The following ADGRV1 variants were observed in gnomAD, a reference collection of about 807,000 sequenced individuals.
The protein encoded by ADGRV1 is adhesion G protein-coupled receptor V1.
ADGRV1 carries 359 observed loss-of-function variants against 596.2 expected under a neutral mutation model. The observed-to-expected ratio is 0.60, with a 90% CI of 0.55 to 0.66. The LOEUF (loss-of-function observed/expected upper bound fraction) is 0.66, where lower values mean the gene tolerates loss of function less well. Ranked by LOEUF, ADGRV1 falls within the 30% of genes least tolerant of loss-of-function variation. The pLI is 0.00. For missense variants in ADGRV1, 7,274 were observed against 7,575.6 expected, an observed-to-expected ratio of 0.96 and a Z score of 1.48; for synonymous variants, 2,681 against 2,679.2, an observed-to-expected ratio of 1.00 and a Z score of -0.02.
intron 53 of ADGRV1, among the ~76,000 whole-genome samples, chr5:90,751,694 G>A (rs1245119218): frequency 6.6e-6 from 1 of 152,122 alleles, no homozygotes; most frequent in African/African-American, 2.4e-5. Flanking sequence ...CTTCTCTGAA[G>A]AGTTCTTTTA....
chr5:91,159,737 T>G (rs1269128341), intron 89 of ADGRV1, among the ~76,000 whole-genome samples: 1 of 152,036 alleles, frequency 6.6e-6, no homozygotes, highest in Non-Finnish European at 1.5e-5. Context: ...GTCTAATGTA[T>G]CATCAGTGTC....
chr5:91,068,697 T>C (rs1788103152), intron 85 of ADGRV1, among the ~76,000 whole-genome samples: 1 of 152,038 alleles, frequency 6.6e-6, no homozygotes, highest in Non-Finnish European at 1.5e-5. Context: ...ATTGTTCAAA[T>C]GGCCATACTA....
intron 70 of ADGRV1, among the ~76,000 whole-genome samples, chr5:90,795,446 G>C (rs12188388): frequency 1.3e-5 from 2 of 152,172 alleles, no homozygotes; most frequent in Admixed American, 1.3e-4. Flanking sequence ...CAGACTGCCA[G>C]ATTTCTCCTC....
At chr5:91,004,650 G>GT (rs1360251217) in intron 85 of ADGRV1, among the ~76,000 whole-genome samples, 1 of 152,192 alleles carries the variant, frequency 6.6e-6, no homozygotes, top group Non-Finnish European at 1.5e-5. Flanking sequence ...ACTGGATATA[G>GT]TTGAGTTGTT....
intron 83 of ADGRV1, among the ~76,000 whole-genome samples, chr5:90,959,012 G>A (rs887126633): frequency 5.3e-5 from 8 of 152,028 alleles, no homozygotes; most frequent in Non-Finnish European, 1.2e-4. Context: ...AGTACAATAG[G>A]CAAGATAAGA....
At chr5:90,646,927 C>A (rs1486556480) in intron 16 of ADGRV1, among the ~76,000 whole-genome samples, 4 of 152,020 alleles carry the variant, frequency 2.6e-5, no homozygotes, top group Non-Finnish European at 4.4e-5. Context: ...GCACACACCA[C>A]CACGCCCAGC....
At chr5:90,738,013 G>C (rs990124) in intron 50 of ADGRV1, among the ~76,000 whole-genome samples, 76,625 of 151,548 alleles carry the variant, frequency 0.51, 20,070 homozygotes, top group African/African-American at 0.63. Flanking sequence ...TTCTTCTTCT[G>C]TTGCTGTTTT....
chr5:90,903,379 T>A (rs1041230672), intron 83 of ADGRV1, among the ~76,000 whole-genome samples: 2 of 152,062 alleles, frequency 1.3e-5, no homozygotes, highest in Admixed American at 6.6e-5. Flanking sequence ...GTTTATTTTT[T>A]AAAAATATTA....
chr5:90,712,219 C>A, intron 41 of ADGRV1, 68 bp from the exon 42 acceptor site: 1 of 879,624 alleles, frequency 1.1e-6, no homozygotes, highest in Non-Finnish European at 1.6e-6. Context: ...GTATTTCTTT[C>A]CAAACATTCT....
chr5:91,016,578 G>A (rs542490663), intron 85 of ADGRV1, among the ~76,000 whole-genome samples: 5 of 152,086 alleles, frequency 3.3e-5, no homozygotes, highest in Admixed American at 6.6e-5. Flanking sequence ...AAACAGACAT[G>A]CAATCCTATA....
At chr5:91,046,318 G>A (rs1436436335) in intron 85 of ADGRV1, among the ~76,000 whole-genome samples, 1 of 152,022 alleles carries the variant, frequency 6.6e-6, no homozygotes, top group South Asian at 2.1e-4. Context: ...ATAAAAATAG[G>A]CACATAGACC....
intron 50 of ADGRV1, among the ~76,000 whole-genome samples, chr5:90,739,849 A>G (rs1355442640): frequency 2.6e-5 from 4 of 152,188 alleles, no homozygotes; most frequent in Admixed American, 2.6e-4. Context: ...CTCCCATACT[A>G]GGGTAACCTT....
chr5:90,920,860 T>C (rs1469710815), intron 83 of ADGRV1, among the ~76,000 whole-genome samples: 5 of 152,248 alleles, frequency 3.3e-5, no homozygotes, highest in African/African-American at 1.2e-4. Flanking sequence ...AACTACTGGC[T>C]GTCAAATTCA....
chr5:90,659,761 G>C (rs141600444), intron 21 of ADGRV1, among the ~76,000 whole-genome samples: 3,387 of 152,224 alleles, frequency 0.022, 127 homozygotes, highest in African/African-American at 0.079. Flanking sequence ...GGCCGGGCGC[G>C]GTGGCTCACG....
intron 85 of ADGRV1, 64 bp from the exon 86 acceptor site, chr5:91,072,383 A>T: frequency 7.4e-7 from 1 of 1,351,200 alleles, no homozygotes; most frequent in Non-Finnish European, 1.1e-6. Flanking sequence ...GATGTGATAC[A>T]TTCTGCATTT....
chr5:90,682,807 C>T (rs1745118109), intron 27 of ADGRV1, among the ~76,000 whole-genome samples: 1 of 152,104 alleles, frequency 6.6e-6, no homozygotes, highest in Admixed American at 6.5e-5. Flanking sequence ...TTGGGATTTA[C>T]TTGGAGAAAT....
At chr5:90,868,110 A>G (rs947189201) in intron 83 of ADGRV1, among the ~76,000 whole-genome samples, 4 of 152,118 alleles carry the variant, frequency 2.6e-5, no homozygotes, top group African/African-American at 2.4e-5. Context: ...CAGTGAGTCT[A>G]TGGCGGGTTT....
At chr5:90,820,651 A>G (rs1171096852) in intron 75 of ADGRV1, among the ~76,000 whole-genome samples, 17 of 149,894 alleles carry the variant, frequency 1.1e-4, no homozygotes, top group Admixed American at 7.3e-4. Context: ...TCTGTAAAGT[A>G]TTTTATTTCT....
At chr5:91,161,079 G>A (rs114940093) in intron 89 of ADGRV1, among the ~76,000 whole-genome samples, 23 of 152,256 alleles carry the variant, frequency 1.5e-4, no homozygotes, top group Non-Finnish European at 2.8e-4. Context: ...CTGGGAGTTG[G>A]TACTAGTTAA....
Sources: gnomAD v4.1 joint callset for allele counts (sites outside exome capture counted in the v4.1 genomes callset) on GRCh38, gnomAD v4.1.1 for gene constraint, MANE v1.5 for transcripts, NCBI Gene and HGNC (gene_info 2026-07-23, HGNC 2026-07-21) for gene names.